Variants in ERC1 observed in about 807,000 individuals in gnomAD.
ERC1 encodes RAB6 interacting protein 2.
Under a neutral mutation model 132.0 loss-of-function variants are expected in ERC1, and 56 were observed. That is an observed-to-expected ratio of 0.42 (90% CI 0.34 to 0.53). The LOEUF (loss-of-function observed/expected upper bound fraction) is 0.53, where lower values mean the gene tolerates loss of function less well. Among genes scored for constraint, ERC1 ranks in the 20% least tolerant of loss-of-function variants. ERC1 has a pLI of 0.03. For missense variants in ERC1, 1,202 were observed against 1,349.9 expected, an observed-to-expected ratio of 0.89 and a Z score of 1.72; for synonymous variants, 478 against 476.1, an observed-to-expected ratio of 1.00 and a Z score of -0.05.
At chr12:1,254,076 C>CTACAT (rs1387091860) in intron 13 of ERC1, among the ~76,000 whole-genome samples, 1 of 152,096 alleles carries the variant, frequency 6.6e-6, no homozygotes, top group African/African-American at 2.4e-5. Context: ...TTACATAATC[C>CTACAT]AATGGTAGGA....
At chr12:1,178,411 G>A (rs1953981017) in intron 8 of ERC1, among the ~76,000 whole-genome samples, 1 of 152,074 alleles carries the variant, frequency 6.6e-6, no homozygotes, top group Non-Finnish European at 1.5e-5. Flanking sequence ...TGGAGGGGCA[G>A]GATCCATGTC....
intron 2 of ERC1, among the ~76,000 whole-genome samples, chr12:1,067,031 C>T (rs540089616): frequency 5.3e-5 from 8 of 152,182 alleles, no homozygotes; most frequent in African/African-American, 1.7e-4. Context: ...TGGTCTCGAA[C>T]TCTTGGGCTC....
intron 2 of ERC1, among the ~76,000 whole-genome samples, chr12:1,031,991 G>A (rs1968132455): frequency 6.6e-6 from 1 of 151,922 alleles, no homozygotes. Flanking sequence ...TTCTCTGGTG[G>A]TTCTGATGAG....
At chr12:1,460,903 G>A (rs897284835) in intron 18 of ERC1, among the ~76,000 whole-genome samples, 4 of 135,138 alleles carry the variant, frequency 3.0e-5, no homozygotes, top group African/African-American at 1.1e-4. Context: ...ATGAACAATT[G>A]TTTTGAAAAG....
intron 3 of ERC1, among the ~76,000 whole-genome samples, chr12:1,092,061 C>T (rs960873287): frequency 6.8e-6 from 1 of 147,006 alleles, no homozygotes. Flanking sequence ...TGCAATGGTG[C>T]GATCTCGGCT....
Position 1,110,403 on chromosome 12 carries a change from T to C in ERC1, c.1317+56T>C. ...AAGGAGTTTGAAAAATTGATGCATA[T>C]TTTTTACTTCTCTAGTGATGATAAA... is the stretch of plus-strand genomic sequence containing the variant. On this transcript the variant is annotated intron_variant, in intron 5 of 18. Coordinates refer to ENST00000360905, the MANE Select transcript of ERC1 (RefSeq NM_178040.4). The C allele has an allele frequency of 2.1e-6, 3 of 1,444,662 alleles. No individual in the cohort carries two copies. In the South Asian group the frequency reaches 3.9e-5, roughly 19 times the overall value. 89.5% of individuals were successfully genotyped at this position (1,444,662 alleles called of 1,614,324 possible). A position where few individuals can be genotyped will look rare whatever the true frequency, so the allele number is the denominator to read the frequency against.
At chr12:1,058,748 A>G (rs1973462660) in intron 2 of ERC1, among the ~76,000 whole-genome samples, 1 of 145,416 alleles carries the variant, frequency 6.9e-6, no homozygotes, top group Non-Finnish European at 1.5e-5. Flanking sequence ...TGATATTTTG[A>G]TATGGATTGC....
At chr12:1,465,178 A>G (rs997085647) in intron 18 of ERC1, among the ~76,000 whole-genome samples, 1 of 152,114 alleles carries the variant, frequency 6.6e-6, no homozygotes, top group Non-Finnish European at 1.5e-5. Flanking sequence ...TGCTCCCCCA[A>G]CTAAGCTGAG....
chr12:1,157,746 AAGAGGAGAGGATGATC>A (rs1462536960), intron 8 of ERC1, among the ~76,000 whole-genome samples: 2 of 152,226 alleles, frequency 1.3e-5, no homozygotes, highest in Non-Finnish European at 2.9e-5. Context: ...AAGGGTTTCA[AAGAGGAGAGGATGATC>A]AGATTTTTCA....
At chr12:1,330,043 A>T (rs1409604874) in intron 15 of ERC1, among the ~76,000 whole-genome samples, 2 of 152,240 alleles carry the variant, frequency 1.3e-5, no homozygotes, top group Non-Finnish European at 2.9e-5. Flanking sequence ...TGAAGTTTCA[A>T]GCAGTATCCT....
rs527757794 is a variant in ERC1, at chr12:1,175,535, A to ATT, written c.1738-4991_1738-4990dup. 4.3e-4 allele frequency among the ~76,000 whole-genome samples: 61 copies of ATT among 141,462 alleles called. 1 individual carries two copies. Among genetic ancestry groups the ATT allele is most frequent in the Middle Eastern group, 3.7e-3 (1 of 268 alleles). 92.8% of individuals were successfully genotyped at this position (141,462 alleles called of 152,430 possible). ...GAAGAAGCAGCTCCACATCTGTTCA[A>ATT]TTTTTTTTTTTTTTTGAGACGGAGT... On this transcript the variant is annotated intron_variant, in intron 8 of 18. Transcript: ENST00000360905.
intron 16 of ERC1, among the ~76,000 whole-genome samples, chr12:1,394,018 A>G (rs2090235322): frequency 9.9e-6 from 1 of 100,804 alleles, no homozygotes; most frequent in East Asian, 2.2e-4. Context: ...TCCGTCTCAA[A>G]AAAAAAAAAA....
At chr12:1,238,490 G>A (rs1050354863) in intron 13 of ERC1, among the ~76,000 whole-genome samples, 7 of 152,088 alleles carry the variant, frequency 4.6e-5, no homozygotes, top group African/African-American at 9.7e-5. Flanking sequence ...AACTTCACAA[G>A]AATGTTTATA....
At chr12:1,105,647 G>A (rs1423706375) in intron 4 of ERC1, among the ~76,000 whole-genome samples, 1 of 152,108 alleles carries the variant, frequency 6.6e-6, no homozygotes, top group Non-Finnish European at 1.5e-5. Context: ...GTGAGCCACC[G>A]CACCTGGCCA....
chr12:1,060,727 T>G (rs866373586), intron 2 of ERC1, among the ~76,000 whole-genome samples: 2,126 of 146,260 alleles, frequency 0.015, 42 homozygotes, highest in African/African-American at 0.05. Flanking sequence ...GTGGGAAATT[T>G]TTTTTTTTTT....
At chr12:1,451,263 G>A (rs1410447160) in intron 18 of ERC1, among the ~76,000 whole-genome samples, 2 of 151,886 alleles carry the variant, frequency 1.3e-5, no homozygotes, top group Non-Finnish European at 2.9e-5. Flanking sequence ...AAAAATCTTT[G>A]TTTTTTATCT....
At chr12:1,189,329 GA>G (rs1399629846) in intron 11 of ERC1, among the ~76,000 whole-genome samples, 62 of 152,138 alleles carry the variant, frequency 4.1e-4, no homozygotes, top group African/African-American at 1.5e-3. Context: ...TTCTTAACCT[GA>G]CTCACATTTT....
rs1374753777 is a variant in ERC1 at position 1,400,940 on chromosome 12, T to A, written c.2926-7209T>A. Among the ~76,000 whole-genome samples the A allele has an allele frequency of 1.2e-4, 12 of 101,446 alleles. 1 individual carries two copies. Among genetic ancestry groups the A allele is most frequent in the African/African-American group, 5.3e-4 (12 of 22,556 alleles). The allele number at this position is 101,446 out of a possible 152,430, so 66.6% of individuals were successfully genotyped here. ...TATTTTTTTTTTTTTTTTTTTTTTT[T>A]TTTTTTTTTTTTTGTGACGGAGTCT... On this transcript the variant is annotated intron_variant, in intron 16 of 18. Coordinates refer to ENST00000360905, the MANE Select transcript of ERC1 (RefSeq NM_178040.4).
Position 1,027,688 on chromosome 12 carries a change from GTC to G in ERC1, c.-156-56_-156-55del, listed in dbSNP as rs1189941442. 11 of 544,462 alleles carry G rather than the reference GTC, an allele frequency of 2.0e-5. No homozygotes were observed. In the East Asian group the frequency reaches 3.2e-4, roughly 16 times the overall value. 33.7% of individuals were successfully genotyped at this position (544,462 alleles called of 1,614,324 possible). A position where few individuals can be genotyped will look rare whatever the true frequency, so the allele number is the denominator to read the frequency against. The stretch of plus-strand genomic sequence containing the variant: ...CTTCTTTAAGTGGGGGTAATGGAAA[GTC>G]TCTGAGAAGGGAAATATTTATTATT... On this transcript the variant is annotated intron_variant, in intron 1 of 18. Transcript: ENST00000360905.
Sources: allele counts gnomAD v4.1 joint callset (sites outside exome capture counted in the v4.1 genomes callset), GRCh38; gene constraint gnomAD v4.1.1; transcripts MANE v1.5; gene names NCBI Gene and HGNC (gene_info 2026-07-23, HGNC 2026-07-21).